Variants in TSG101 observed in about 807,000 individuals in gnomAD.
The protein encoded by TSG101 is tumor susceptibility gene 101 protein.
TSG101 carries 19 observed loss-of-function variants against 48.5 expected under a neutral mutation model. The observed-to-expected ratio is 0.39, with a 90% CI of 0.27 to 0.58. The LOEUF (loss-of-function observed/expected upper bound fraction) is 0.58. Ranked by LOEUF, TSG101 falls within the 20% of genes least tolerant of loss-of-function variation. The probability of loss-of-function intolerance (pLI) is 0.55; values close to 1 mark genes in which losing one functional copy is unlikely to be tolerated. For synonymous variants in TSG101, 174 were observed against 169.4 expected (o/e 1.03, Z -0.21); for missense variants, 365 against 484.4 (o/e 0.75, Z 2.31).
intron 7 of TSG101, among the ~76,000 whole-genome samples, chr11:18,485,389 G>A (rs1849605750): frequency 6.6e-6 from 1 of 152,100 alleles, no homozygotes; most frequent in South Asian, 2.1e-4. Flanking sequence ...ATTTTCTGAA[G>A]GAAAGGTCTC....
chr11:18,481,512 T>G (rs1436532497), intron 9 of TSG101, 118 bp downstream of exon 9: 2 of 1,474,750 alleles, frequency 1.4e-6, no homozygotes, highest in African/African-American at 2.8e-5. Context: ...TAGTGTTTTT[T>G]GGGAAGATAA....
At chr11:18,518,727 G>A (rs1309577913) in intron 2 of TSG101, among the ~76,000 whole-genome samples, 2 of 151,832 alleles carry the variant, frequency 1.3e-5, no homozygotes, top group East Asian at 3.9e-4. Context: ...GGGAGGTTCA[G>A]CAGTTAAATA....
At chr11:18,520,004 T>C (rs1167525997) in intron 1 of TSG101, among the ~76,000 whole-genome samples, 1 of 152,176 alleles carries the variant, frequency 6.6e-6, no homozygotes, top group Non-Finnish European at 1.5e-5. Flanking sequence ...ACCACCACCA[T>C]AATCAACTTC....
chr11:18,526,582 C>T (rs1277320057), intron 1 of TSG101, among the ~76,000 whole-genome samples, 193 bp downstream of exon 1: 2 of 152,272 alleles, frequency 1.3e-5, no homozygotes. Flanking sequence ...CCCCCACCCT[C>T]CCAGCTCCCG....
intron 7 of TSG101, among the ~76,000 whole-genome samples, chr11:18,498,337 G>C (rs936034534): frequency 6.6e-6 from 1 of 152,122 alleles, no homozygotes; most frequent in Non-Finnish European, 1.5e-5. Context: ...ATTTTATTAG[G>C]ATCACTCTAG....
At chr11:18,510,675 A>G (rs1266820767) in intron 4 of TSG101, among the ~76,000 whole-genome samples, 1 of 152,152 alleles carries the variant, frequency 6.6e-6, no homozygotes, top group African/African-American at 2.4e-5. Context: ...AGCATGCATA[A>G]TTTTAAAAAT....
intron 7 of TSG101, among the ~76,000 whole-genome samples, chr11:18,495,194 T>C (rs1257285215): frequency 6.6e-6 from 1 of 152,230 alleles, no homozygotes; most frequent in Admixed American, 6.5e-5. Context: ...GGTTGAAATA[T>C]ACAGTATTTA....
At chr11:18,524,203 T>G (rs1453449502) in intron 1 of TSG101, among the ~76,000 whole-genome samples, 1 of 152,266 alleles carries the variant, frequency 6.6e-6, no homozygotes, top group Non-Finnish European at 1.5e-5. Context: ...TGGGAAGTTG[T>G]TTCTGTAAAA....
intron 1 of TSG101, among the ~76,000 whole-genome samples, chr11:18,520,808 G>A (rs1367361505): frequency 3.9e-5 from 6 of 152,046 alleles, no homozygotes; most frequent in Admixed American, 3.9e-4. Flanking sequence ...CGAGGCAGGC[G>A]GATCACGAGG....
intron 7 of TSG101, among the ~76,000 whole-genome samples, chr11:18,493,817 T>C (rs1849732124): frequency 6.6e-6 from 1 of 152,252 alleles, no homozygotes; most frequent in Admixed American, 6.5e-5. Context: ...GTGCAAACAC[T>C]GCAAATCCAT....
intron 6 of TSG101, among the ~76,000 whole-genome samples, chr11:18,503,385 T>TC: frequency 6.6e-6 from 1 of 151,016 alleles, no homozygotes; most frequent in Admixed American, 6.6e-5. Context: ...TTTTTTTTTT[T>TC]TTTTTGAGAC....
At chr11:18,504,593 G>T (rs181435365) in intron 6 of TSG101, among the ~76,000 whole-genome samples, 29 of 152,222 alleles carry the variant, frequency 1.9e-4, no homozygotes, top group Non-Finnish European at 2.8e-4. Flanking sequence ...GGGATAAACT[G>T]CTCTTTTTTT....
chr11:18,486,225 G>T (rs1001755640), intron 7 of TSG101, among the ~76,000 whole-genome samples: 1 of 152,230 alleles, frequency 6.6e-6, no homozygotes, highest in African/African-American at 2.4e-5. Flanking sequence ...GTGGGCACAG[G>T]ACAAGAACTC....
intron 4 of TSG101, among the ~76,000 whole-genome samples, chr11:18,509,948 C>T (rs1850051158): frequency 6.6e-6 from 1 of 151,978 alleles, no homozygotes; most frequent in South Asian, 2.1e-4. Flanking sequence ...ACAGAACTAA[C>T]AAAAATTTAT....
intron 2 of TSG101, among the ~76,000 whole-genome samples, chr11:18,518,631 T>C (rs533989975): frequency 2.0e-5 from 3 of 152,208 alleles, no homozygotes; most frequent in Non-Finnish European, 4.4e-5. Context: ...AATAACATTT[T>C]CCTCATCTAT....
intron 4 of TSG101, among the ~76,000 whole-genome samples, chr11:18,514,437 T>C (rs538288505): frequency 6.6e-6 from 1 of 152,304 alleles, no homozygotes; most frequent in South Asian, 2.1e-4. Context: ...CTGCCTATTT[T>C]AAAAAGGTTC....
intron 7 of TSG101, among the ~76,000 whole-genome samples, chr11:18,485,737 T>C (rs748782362): frequency 1.1e-4 from 16 of 152,216 alleles, no homozygotes; most frequent in Non-Finnish European, 1.5e-4. Context: ...TTTGAAGGCA[T>C]GTGGTTGGAA....
At chr11:18,525,911 G>A (rs1034416674) in intron 1 of TSG101, among the ~76,000 whole-genome samples, 1 of 152,090 alleles carries the variant, frequency 6.6e-6, no homozygotes, top group East Asian at 1.9e-4. Context: ...AATTGAAACC[G>A]CTTAAACCGC....
At chr11:18,519,415 C>T (rs1850231633) in intron 2 of TSG101, 104 bp downstream of exon 2, 1 of 917,166 alleles carries the variant, frequency 1.1e-6, no homozygotes, top group Admixed American at 2.4e-5. Flanking sequence ...GGTGCAATCC[C>T]ACAATTGAAA....
Sources: allele counts gnomAD v4.1 joint callset (sites outside exome capture counted in the v4.1 genomes callset), GRCh38; gene constraint gnomAD v4.1.1; transcripts MANE v1.5; gene names NCBI Gene and HGNC (gene_info 2026-07-23, HGNC 2026-07-21).